Variants in TRPM3 observed in about 807,000 individuals in gnomAD.
TRPM3 encodes the protein transient receptor potential cation channel subfamily M member 3, also known as long transient receptor potential channel 3.
In TRPM3, 77 loss-of-function variants were observed where a neutral mutation model predicts 181.2. The observed-to-expected ratio is 0.42, with a 90% CI of 0.35 to 0.51. TRPM3 has a LOEUF of 0.51. Among genes scored for constraint, TRPM3 ranks in the 20% least tolerant of loss-of-function variants. The probability of loss-of-function intolerance (pLI) is 0.01; values close to 1 mark genes in which losing one functional copy is unlikely to be tolerated. For missense variants in TRPM3, 1,759 were observed against 2,196.7 expected (o/e 0.80, Z 3.98); for synonymous variants, 745 against 796.4 (o/e 0.94, Z 1.09).
chr9:70,782,744 G>A (rs2082727877), intron 7 of TRPM3, among the ~76,000 whole-genome samples: 1 of 151,686 alleles, frequency 6.6e-6, no homozygotes, highest in African/African-American at 2.4e-5. Flanking sequence ...AAATTTGCCA[G>A]TAAACTCCAA....
chr9:71,168,226 A>G (rs2076630933), intron 1 of TRPM3, among the ~76,000 whole-genome samples: 1 of 152,180 alleles, frequency 6.6e-6, no homozygotes, highest in Admixed American at 6.5e-5. Context: ...AGTGGTATGC[A>G]CAACTGGAAT....
intron 6 of TRPM3, among the ~76,000 whole-genome samples, chr9:70,822,113 A>G (rs1042089536): frequency 6.6e-6 from 1 of 152,136 alleles, no homozygotes; most frequent in African/African-American, 2.4e-5. Context: ...TTAGAGAATC[A>G]CCTTATCTTT....
intron 1 of TRPM3, among the ~76,000 whole-genome samples, chr9:70,921,391 T>C (rs2096651630): frequency 6.6e-6 from 1 of 152,226 alleles, no homozygotes; most frequent in African/African-American, 2.4e-5. Flanking sequence ...TCACATTGTA[T>C]AGCAAAATGC....
intron 1 of TRPM3, among the ~76,000 whole-genome samples, chr9:71,182,168 TCAA>T: frequency 6.6e-6 from 1 of 152,270 alleles, no homozygotes; most frequent in African/African-American, 2.4e-5. Flanking sequence ...ATTTTTTTTC[TCAA>T]ACATGTATTT....
chr9:71,222,609 G>A (rs745741363), intron 1 of TRPM3, among the ~76,000 whole-genome samples: 2 of 152,224 alleles, frequency 1.3e-5, no homozygotes, highest in Non-Finnish European at 2.9e-5. Context: ...GATCAAGTGA[G>A]CAATCACATT....
intron 22 of TRPM3, among the ~76,000 whole-genome samples, chr9:70,578,889 AG>A (rs2054777567): frequency 6.6e-6 from 1 of 152,218 alleles, no homozygotes; most frequent in Non-Finnish European, 1.5e-5. Context: ...GATGTTAGGC[AG>A]CATTCCTGGC....
intron 8 of TRPM3, among the ~76,000 whole-genome samples, chr9:70,750,401 T>C (rs990751478): frequency 2.2e-4 from 34 of 152,164 alleles, no homozygotes; most frequent in Admixed American, 1.4e-3. Flanking sequence ...CACTTGTTAG[T>C]AGCAAAAGCA....
At chr9:71,426,229 A>G (rs1283661927) in intron 1 of TRPM3, among the ~76,000 whole-genome samples, 2 of 152,138 alleles carry the variant, frequency 1.3e-5, no homozygotes, top group East Asian at 3.9e-4. Flanking sequence ...GCTTTATAAG[A>G]ATTTGCAAAA....
chr9:70,935,812 G>A (rs1438666499), intron 1 of TRPM3, among the ~76,000 whole-genome samples: 3 of 152,054 alleles, frequency 2.0e-5, no homozygotes, highest in African/African-American at 4.8e-5. Context: ...AGCGCAATCC[G>A]TACCCCAAAT....
intron 21 of TRPM3, among the ~76,000 whole-genome samples, chr9:70,591,891 G>A (rs1014806204): frequency 6.6e-6 from 1 of 152,144 alleles, no homozygotes; most frequent in African/African-American, 2.4e-5. Context: ...ATTGGCTATG[G>A]AGGGTGTTTT....
intron 1 of TRPM3, among the ~76,000 whole-genome samples, chr9:71,177,300 T>C (rs554764323): frequency 3.3e-5 from 5 of 152,214 alleles, no homozygotes; most frequent in East Asian, 3.9e-4. Context: ...AATGTAATGA[T>C]AATATAAAGT....
chr9:71,015,533 C>G (rs1464218346), intron 1 of TRPM3, among the ~76,000 whole-genome samples: 2 of 152,128 alleles, frequency 1.3e-5, no homozygotes, highest in Non-Finnish European at 2.9e-5. Flanking sequence ...TAAGAATGTG[C>G]TATAAGCAAG....
intron 5 of TRPM3, among the ~76,000 whole-genome samples, chr9:70,838,378 T>C (rs76269889): frequency 0.066 from 10,029 of 152,248 alleles, 443 homozygotes; most frequent in Middle Eastern, 0.13. Flanking sequence ...ATTAGGGCCT[T>C]ACAAAAGGGA....
intron 1 of TRPM3, among the ~76,000 whole-genome samples, chr9:70,976,358 A>G (rs1432814241): frequency 6.6e-6 from 1 of 152,184 alleles, no homozygotes; most frequent in Non-Finnish European, 1.5e-5. Flanking sequence ...TTTTTACTCC[A>G]TTCAACAACA....
At chr9:70,840,931 C>T (rs74355882) in intron 5 of TRPM3, among the ~76,000 whole-genome samples, 10,375 of 152,180 alleles carry the variant, frequency 0.068, 491 homozygotes, top group South Asian at 0.098. Flanking sequence ...TAGTGTCCCC[C>T]TTCAAATTGA....
At chr9:70,741,379 T>C (rs1368919308) in intron 8 of TRPM3, among the ~76,000 whole-genome samples, 1 of 152,194 alleles carries the variant, frequency 6.6e-6, no homozygotes, top group Non-Finnish European at 1.5e-5. Context: ...GGTGGGAATG[T>C]AATCTAGTAC....
chr9:70,802,021 G>A (rs2089248015), intron 6 of TRPM3, among the ~76,000 whole-genome samples: 1 of 152,162 alleles, frequency 6.6e-6, no homozygotes, highest in Non-Finnish European at 1.5e-5. Flanking sequence ...CAGAGCTTCT[G>A]ATCAGCAGGT....
intron 1 of TRPM3, among the ~76,000 whole-genome samples, chr9:71,373,444 A>G (rs1347364731): frequency 6.6e-6 from 1 of 152,186 alleles, no homozygotes; most frequent in Non-Finnish European, 1.5e-5. Flanking sequence ...GATAAGGGGG[A>G]TATCCCCACT....
chr9:70,956,975 T>TC (rs2097082125), intron 1 of TRPM3, among the ~76,000 whole-genome samples: 1 of 151,246 alleles, frequency 6.6e-6, no homozygotes, highest in African/African-American at 2.4e-5. Context: ...TTTTTTTTTT[T>TC]TTTGATACCA....
Sources: allele counts gnomAD v4.1 joint callset (sites outside exome capture counted in the v4.1 genomes callset), GRCh38; gene constraint gnomAD v4.1.1; transcripts MANE v1.5; gene names NCBI Gene and HGNC (gene_info 2026-07-23, HGNC 2026-07-21).